JHY: variants seen among roughly 807,000 people sequenced by gnomAD.
The protein encoded by JHY is junctional cadherin complex regulator, also known as jhy protein homolog.
A neutral mutation model predicts 78.0 loss-of-function variants in JHY; 69 were observed. That is an observed-to-expected ratio of 0.88 (90% CI 0.73 to 1.08). The LOEUF (loss-of-function observed/expected upper bound fraction) is 1.08. Ranked by LOEUF, JHY falls within the 50% of genes least tolerant of loss-of-function variation. The pLI is 0.00. For missense variants in JHY, 944 were observed against 927.8 expected (o/e 1.02, Z -0.23); for synonymous variants, 368 against 342.6 (o/e 1.07, Z -0.82).
rs1450463371 is a variant in JHY at position 122,904,232 on chromosome 11, C to CT, written c.653dup (p.Glu219GlyfsTer18). The CT allele has an allele frequency of 6.2e-7, 1 of 1,614,052 alleles. No homozygotes were observed. The highest frequency in any genetic ancestry group is 8.5e-7 in the Non-Finnish European group (1 of 1,180,036). ...GTTTTCAGAGCTGAGCGACAGTGAC[C>CT]TGGAGGAGAAGTCGAGCAGCCTTTC... On this transcript the variant is annotated frameshift_variant, in exon 3 of 9. Coordinates refer to ENST00000227349, the MANE Select transcript of JHY (RefSeq NM_024806.4). LOFTEE classifies it high-confidence loss of function.
At chr11:122,949,377 G>T (rs74735655) in intron 6 of JHY, among the ~76,000 whole-genome samples, 2,732 of 152,250 alleles carry the variant, frequency 0.018, 68 homozygotes, top group South Asian at 0.11. Flanking sequence ...GCTATGGTGT[G>T]CAGGGCAGAT....
At chr11:122,936,428 T>C (rs1224615790) in intron 5 of JHY, among the ~76,000 whole-genome samples, 1 of 148,962 alleles carries the variant, frequency 6.7e-6, no homozygotes, top group East Asian at 2.0e-4. Context: ...ATCTTTGTCT[T>C]TTTTTTTTTT....
intron 6 of JHY, among the ~76,000 whole-genome samples, chr11:122,950,665 C>G (rs1428957168): frequency 6.6e-6 from 1 of 152,202 alleles, no homozygotes; most frequent in Non-Finnish European, 1.5e-5. Flanking sequence ...TGTATTAAAA[C>G]TACAGCTTAG....
chr11:122,923,880 C>A (rs1413826850), intron 3 of JHY, among the ~76,000 whole-genome samples: 1 of 134,972 alleles, frequency 7.4e-6, no homozygotes, highest in Non-Finnish European at 1.6e-5. Flanking sequence ...CCACGCCTGG[C>A]TAATTTTTTT....
chr11:122,914,791 T>A (rs1296003483), intron 3 of JHY, among the ~76,000 whole-genome samples: 1 of 152,190 alleles, frequency 6.6e-6, no homozygotes, highest in Non-Finnish European at 1.5e-5. Flanking sequence ...GTAAGAATTA[T>A]TCTTCTACAG....
At position 122,961,024 on chromosome 11, in the gene JHY, T is replaced by C. The variant is rs796345268; in HGVS notation, c.*1579T>C. The C allele has an allele frequency of 3.9e-6, 4 of 1,018,116 alleles. No homozygotes were observed. In the African/African-American group the frequency reaches 6.3e-5, roughly 16 times the overall value. 63.1% of individuals were successfully genotyped at this position (1,018,116 alleles called of 1,614,324 possible). ...TCTGCACAACAGGAAAAGGAGACAA[T>C]TGCCAAGTGCATTTGGGACCTAAAG... On this transcript the variant is annotated 3_prime_UTR_variant, in exon 9 of 9. Transcript: ENST00000227349.
intron 3 of JHY, chr11:122,905,427 G>A: frequency 7.1e-7 from 1 of 1,407,652 alleles, no homozygotes; most frequent in Non-Finnish European, 9.2e-7. Flanking sequence ...AAATGTGGTT[G>A]CCCTTAGACC....
chr11:122,943,360 T>C (rs780275512), intron 5 of JHY, among the ~76,000 whole-genome samples: 1 of 152,258 alleles, frequency 6.6e-6, no homozygotes, highest in Admixed American at 6.5e-5. Context: ...TTTTTGATAC[T>C]TGTTTTTGGC....
chr11:122,902,597 G>A (rs541854708), intron 2 of JHY, among the ~76,000 whole-genome samples: 16 of 152,314 alleles, frequency 1.1e-4, no homozygotes, highest in Admixed American at 9.8e-4. Flanking sequence ...TCTACAGGAA[G>A]TATGATTCTG....
intron 4 of JHY, among the ~76,000 whole-genome samples, chr11:122,927,582 CTGCA>C (rs1863535240): frequency 6.6e-6 from 1 of 152,162 alleles, no homozygotes; most frequent in Non-Finnish European, 1.5e-5. Context: ...AGGGCCACCT[CTGCA>C]TGGAGATTCC....
intron 6 of JHY, among the ~76,000 whole-genome samples, chr11:122,950,786 A>G (rs1053782925): frequency 6.6e-6 from 1 of 152,238 alleles, no homozygotes; most frequent in Admixed American, 6.5e-5. Flanking sequence ...TACTCCGACG[A>G]CAGTGTGTGT....
At chr11:122,918,956 C>T (rs535258921) in intron 3 of JHY, among the ~76,000 whole-genome samples, 5 of 152,082 alleles carry the variant, frequency 3.3e-5, no homozygotes, top group African/African-American at 1.2e-4. Flanking sequence ...TAAGGCCATG[C>T]GCTCAGATGC....
At chr11:122,909,778 C>CA (rs557889855) in intron 3 of JHY, among the ~76,000 whole-genome samples, 2 of 151,570 alleles carry the variant, frequency 1.3e-5, no homozygotes, top group African/African-American at 4.8e-5. Flanking sequence ...GACTCCATCT[C>CA]AAAAAAATAA....
In JHY at chr11:122,883,110, G is replaced by C. The variant is rs1020679401; in HGVS notation, c.-90+138G>C. On this transcript the variant is annotated intron_variant, in intron 1 of 8. Coordinates refer to ENST00000227349, the MANE Select transcript of JHY (RefSeq NM_024806.4). The surrounding 1 kb of genome is among the most constrained non-coding windows in gnomAD (Gnocchi z 4.4). ...GAGCCGGCGCGGGAGCCTTCGGGAC[G>C]GAGTGGGGAGCGACAAGGGGGCGAG... is the stretch of plus-strand genomic sequence containing the variant. 6.6e-6 allele frequency: 1 copy of C among 152,538 alleles called. No homozygotes were observed. Among genetic ancestry groups the C allele is most frequent in the African/African-American group, 2.4e-5 (1 of 41,322 alleles). The allele number at this position is 152,538 out of a possible 1,614,324, so 9.4% of individuals were successfully genotyped here.
intron 6 of JHY, among the ~76,000 whole-genome samples, chr11:122,952,620 T>G (rs113664632): frequency 0.012 from 1,777 of 152,292 alleles, 42 homozygotes; most frequent in African/African-American, 0.039. Flanking sequence ...AGCCAACATG[T>G]TTATTGGAGT....
intron 2 of JHY, among the ~76,000 whole-genome samples, chr11:122,900,719 G>C (rs190115234): frequency 6.6e-6 from 1 of 151,986 alleles, no homozygotes; most frequent in Non-Finnish European, 1.5e-5. Flanking sequence ...ACTGAGCTTC[G>C]TGTGCATAGC....
At chr11:122,902,299 A>G (rs1862878576) in intron 2 of JHY, among the ~76,000 whole-genome samples, 1 of 151,462 alleles carries the variant, frequency 6.6e-6, no homozygotes, top group Admixed American at 6.6e-5. Flanking sequence ...TCTACTAAAA[A>G]TTAAAAAAAA....
chr11:122,885,725 G>A (rs1276474439), intron 1 of JHY, 36 bp from the exon 2 acceptor site: 23 of 681,830 alleles, frequency 3.4e-5, no homozygotes, highest in Non-Finnish European at 4.4e-5. Flanking sequence ...TGAGATTTTA[G>A]TGGTCGCAGA....
At chr11:122,922,836 A>AAAAAC (rs1565322134) in intron 3 of JHY, among the ~76,000 whole-genome samples, 1 of 148,940 alleles carries the variant, frequency 6.7e-6, no homozygotes, top group African/African-American at 2.5e-5. Context: ...AAAAAAAAAA[A>AAAAAC]CCAGCAGAGG....
Sources: gnomAD v4.1 joint callset for allele counts (sites outside exome capture counted in the v4.1 genomes callset) on GRCh38, gnomAD v4.1.1 for gene constraint, Gnocchi (gnomAD v3.1) non-coding constraint, MANE v1.5 for transcripts, NCBI Gene and HGNC (gene_info 2026-07-23, HGNC 2026-07-21) for gene names.